DNAJC3: variants seen among roughly 807,000 people sequenced by gnomAD.
DNAJC3 encodes the protein dnaJ homolog subfamily C member 3.
In DNAJC3, 38 loss-of-function variants were observed where a neutral mutation model predicts 68.6. The observed-to-expected ratio is 0.55, with a 90% CI of 0.43 to 0.73. DNAJC3 has a LOEUF of 0.73. DNAJC3 is among the 30% of genes least tolerant of loss of function. DNAJC3 has a pLI of 0.00. For missense variants in DNAJC3, 526 were observed against 591.9 expected, an observed-to-expected ratio of 0.89 and a Z score of 1.16; for synonymous variants, 203 against 204.0, an observed-to-expected ratio of 1.00 and a Z score of 0.04.
intron 11 of DNAJC3, among the ~76,000 whole-genome samples, chr13:95,789,251 AC>A (rs1183794077): frequency 3.9e-5 from 6 of 151,932 alleles, no homozygotes; most frequent in Non-Finnish European, 8.8e-5. Context: ...TTATTTCATC[AC>A]CCAGGTATTA....
intron 2 of DNAJC3, 111 bp downstream of exon 2, chr13:95,709,448 C>A: frequency 2.7e-6 from 2 of 751,964 alleles, no homozygotes; most frequent in Non-Finnish European, 4.1e-6. Context: ...TTAAATAAAA[C>A]ATTTAAATAT....
chr13:95,778,387 C>T (rs1030763699), intron 9 of DNAJC3, among the ~76,000 whole-genome samples: 7 of 152,130 alleles, frequency 4.6e-5, no homozygotes, highest in Admixed American at 1.3e-4. Context: ...GTTATTTGCA[C>T]GCCATTTATT....
chr13:95,780,281 C>G (rs1883413615), intron 9 of DNAJC3, among the ~76,000 whole-genome samples: 1 of 152,124 alleles, frequency 6.6e-6, no homozygotes, highest in Admixed American at 6.5e-5. Context: ...AGTTGCTGTT[C>G]TCTGGGATCT....
At position 95,677,353 on chromosome 13, in the gene DNAJC3, C is replaced by T. The variant is rs574904781; in HGVS notation, c.82+16C>T. 26 of 1,575,446 alleles carry T rather than the reference C, an allele frequency of 1.7e-5. No homozygotes were observed. Among genetic ancestry groups the T allele is most frequent in the Admixed American group, 1.3e-4 (7 of 55,948 alleles). The stretch of plus-strand genomic sequence containing the variant: ...CAGTACGAAGGTGAGTCCTGCCCTG[C>T]CCCGGCCAGGAAGTGGGCTCCCGGA... On this transcript the variant is annotated intron_variant, in intron 1 of 11. Transcript: ENST00000602402.
intron 4 of DNAJC3, among the ~76,000 whole-genome samples, chr13:95,739,253 A>C (rs1566492878): frequency 1.3e-5 from 2 of 152,086 alleles, no homozygotes; most frequent in Admixed American, 6.6e-5. Context: ...GGCTGCCCTT[A>C]ACATTTTTTC....
chr13:95,725,329 G>C, intron 4 of DNAJC3, 77 bp downstream of exon 4: 1 of 1,059,558 alleles, frequency 9.4e-7, no homozygotes, highest in East Asian at 2.7e-5. Context: ...TATTATGACA[G>C]TTAATAGTAA....
At chr13:95,767,772 C>T (rs1883037759) in intron 9 of DNAJC3, among the ~76,000 whole-genome samples, 1 of 151,408 alleles carries the variant, frequency 6.6e-6, no homozygotes, top group Admixed American at 6.6e-5. Context: ...TCACTGCAAC[C>T]TCCATCTCCT....
intron 1 of DNAJC3, among the ~76,000 whole-genome samples, chr13:95,695,857 A>G (rs923411832): frequency 2.0e-5 from 3 of 152,228 alleles, no homozygotes; most frequent in Non-Finnish European, 2.9e-5. Context: ...CCAAAGCTGA[A>G]GTTGTAATTA....
rs1237869941 is a variant in DNAJC3 at position 95,794,750 on chromosome 13, A to G, written c.*3720A>G. On this transcript the variant is annotated 3_prime_UTR_variant, in exon 12 of 12. Coordinates refer to ENST00000602402, the MANE Select transcript of DNAJC3 (RefSeq NM_006260.5). The stretch of plus-strand genomic sequence containing the variant: ...GCTGAAACACTTACCTGCAGTGGAA[A>G]GCCGAGCAAGGAGGAGGTAAACATT... 6.6e-6 allele frequency: 1 copy of G among 152,250 alleles called. No individual in the cohort carries two copies. The highest frequency in any genetic ancestry group is 2.4e-5 in the African/African-American group (1 of 41,470). 9.4% of individuals were successfully genotyped at this position (152,250 alleles called of 1,614,324 possible).
Position 95,791,181 on chromosome 13 carries a change from T to G in DNAJC3, c.*151T>G. On this transcript the variant is annotated 3_prime_UTR_variant, in exon 12 of 12. Transcript: ENST00000602402. ...ATAGGAAAAAATCTGTTCTTATCCC[T>G]GTCAGATTTATGGTTAATGGGTTTG... 1 of 889,582 alleles carries G rather than the reference T, an allele frequency of 1.1e-6. No individual in the cohort carries two copies. The allele number at this position is 889,582 out of a possible 1,614,324, so 55.1% of individuals were successfully genotyped here.
intron 4 of DNAJC3, among the ~76,000 whole-genome samples, chr13:95,746,394 G>A (rs1882308192): frequency 6.6e-6 from 1 of 152,142 alleles, no homozygotes; most frequent in Admixed American, 6.5e-5. Flanking sequence ...GTAAAGTGTA[G>A]ACTTTATACA....
intron 1 of DNAJC3, among the ~76,000 whole-genome samples, chr13:95,698,918 T>G (rs1162068900): frequency 4.6e-5 from 7 of 152,246 alleles, no homozygotes; most frequent in Admixed American, 4.6e-4. Context: ...TGTTTGCTTT[T>G]ATATCTGAAG....
At chr13:95,750,774 G>A (rs931547295) in intron 4 of DNAJC3, among the ~76,000 whole-genome samples, 1 of 151,932 alleles carries the variant, frequency 6.6e-6, no homozygotes, top group Non-Finnish European at 1.5e-5. Flanking sequence ...GCCTCCCAAA[G>A]TGCTGGGATT....
At position 95,786,031 on chromosome 13, in the gene DNAJC3, T is replaced by A; in HGVS notation, c.1168T>A (p.Ser390Thr). The A allele has an allele frequency of 6.2e-7, 1 of 1,609,536 alleles. No homozygotes were observed. The highest frequency in any genetic ancestry group is 8.5e-7 in the Non-Finnish European group (1 of 1,178,504). ...GAAAGCACAAAGATTATTGAAACAGTCGCAGAAACGAGATTATTATAAAAT... is the reference window on the plus strand; with the variant it reads ...GAAAGCACAAAGATTATTGAAACAGACGCAGAAACGAGATTATTATAAAAT... ...LEKAQRLLKQ[S>T]QKRDYYKILG... is the part of the protein sequence containing the mutation. The change falls in exon 10 of 12, where the codon TCG becomes ACG. Residue 390 changes from serine to threonine, a missense_variant. Ser to Thr is a moderately conservative substitution (Grantham distance 58, BLOSUM62 1). Coordinates refer to ENST00000602402, the MANE Select transcript of DNAJC3 (RefSeq NM_006260.5).
intron 4 of DNAJC3, among the ~76,000 whole-genome samples, chr13:95,739,772 T>G (rs1391054078): frequency 6.6e-6 from 1 of 152,132 alleles, no homozygotes; most frequent in Non-Finnish European, 1.5e-5. Flanking sequence ...CTCCCGTAGC[T>G]CAGAGTAATT....
intron 4 of DNAJC3, among the ~76,000 whole-genome samples, chr13:95,735,880 A>T (rs2139652744): frequency 6.6e-6 from 1 of 152,192 alleles, no homozygotes; most frequent in African/African-American, 2.4e-5. Context: ...GGTGTTTTAG[A>T]CATGAAGTCT....
intron 1 of DNAJC3, among the ~76,000 whole-genome samples, chr13:95,707,419 A>G (rs1448072299): frequency 1.3e-5 from 2 of 152,180 alleles, no homozygotes; most frequent in Non-Finnish European, 1.5e-5. Flanking sequence ...TGGGCTTCTA[A>G]GACATGTCCC....
chr13:95,758,143 G>A (rs576856857), intron 5 of DNAJC3, among the ~76,000 whole-genome samples: 3 of 152,156 alleles, frequency 2.0e-5, no homozygotes, highest in South Asian at 2.1e-4. Context: ...AATGATGTTC[G>A]GGAGGAAAGA....
chr13:95,791,445 T>C lies in DNAJC3; in HGVS notation c.*415T>C, dbSNP rs923988961. 5.0e-6 allele frequency: 1 copy of C among 200,636 alleles called. No individual in the cohort carries two copies. The highest frequency in any genetic ancestry group is 2.4e-5 in the African/African-American group (1 of 41,748). The allele number at this position is 200,636 out of a possible 1,614,324, so 12.4% of individuals were successfully genotyped here. A position where few individuals can be genotyped will look rare whatever the true frequency, so the allele number is the denominator to read the frequency against. ...TGAGGATGGTTATACTTCAGTATTC[T>C]TAAAGAGAACATGAACATTTTTGAG... On this transcript the variant is annotated 3_prime_UTR_variant, in exon 12 of 12. Coordinates refer to ENST00000602402, the MANE Select transcript of DNAJC3 (RefSeq NM_006260.5).
Sources: gnomAD v4.1 joint callset for allele counts (sites outside exome capture counted in the v4.1 genomes callset) on GRCh38, gnomAD v4.1.1 for gene constraint, MANE v1.5 for transcripts, NCBI Gene and HGNC (gene_info 2026-07-23, HGNC 2026-07-21) for gene names.